PIP5K1B: variants seen among roughly 807,000 people sequenced by gnomAD.
PIP5K1B encodes phosphatidylinositol-4-phosphate 5-kinase type 1 beta.
PIP5K1B carries 42 observed loss-of-function variants against 67.0 expected under a neutral mutation model. That is an observed-to-expected ratio of 0.63 (90% CI 0.49 to 0.81). PIP5K1B has a LOEUF of 0.81. Ranked by LOEUF, PIP5K1B falls within the 30% of genes least tolerant of loss-of-function variation. The pLI is 0.00. For synonymous variants in PIP5K1B, 214 were observed against 231.4 expected (o/e 0.92, Z 0.68); for missense variants, 459 against 646.3 (o/e 0.71, Z 3.14).
intron 14 of PIP5K1B, among the ~76,000 whole-genome samples, chr9:68,944,144 T>C (rs545450297): frequency 6.6e-6 from 1 of 152,344 alleles, no homozygotes; most frequent in Admixed American, 6.5e-5. Flanking sequence ...TGTTAGAGCA[T>C]GCAGATCATA....
chr9:69,000,015 C>T (rs1329272999), intron 15 of PIP5K1B, among the ~76,000 whole-genome samples: 1 of 152,150 alleles, frequency 6.6e-6, no homozygotes, highest in Non-Finnish European at 1.5e-5. Flanking sequence ...GGCCCAGCTC[C>T]ACCACCTTTC....
intron 2 of PIP5K1B, among the ~76,000 whole-genome samples, chr9:68,804,866 T>C (rs1832785651): frequency 6.6e-6 from 1 of 152,206 alleles, no homozygotes; most frequent in African/African-American, 2.4e-5. Context: ...TTAAATGAGT[T>C]AATTCATGTA....
At chr9:68,724,738 C>T (rs1828072020) in intron 1 of PIP5K1B, among the ~76,000 whole-genome samples, 1 of 152,170 alleles carries the variant, frequency 6.6e-6, no homozygotes, top group South Asian at 2.1e-4. Context: ...TCACTGTTCA[C>T]ATATAAAAAC....
chr9:68,807,114 C>T (rs1000033901), intron 2 of PIP5K1B, among the ~76,000 whole-genome samples: 1 of 152,136 alleles, frequency 6.6e-6, no homozygotes, highest in Non-Finnish European at 1.5e-5. Flanking sequence ...GTTTTGGCTT[C>T]TCTTTTGTGT....
chr9:68,973,636 G>A (rs982816310), intron 14 of PIP5K1B, among the ~76,000 whole-genome samples: 17 of 152,118 alleles, frequency 1.1e-4, no homozygotes, highest in Admixed American at 5.9e-4. Flanking sequence ...CTTAACCAAG[G>A]GCCTAATCAT....
At chr9:68,835,297 T>C (rs1230321815) in intron 4 of PIP5K1B, among the ~76,000 whole-genome samples, 1 of 152,210 alleles carries the variant, frequency 6.6e-6, no homozygotes, top group Non-Finnish European at 1.5e-5. Flanking sequence ...TTACTCTCCG[T>C]CTTCCTTCCT....
chr9:68,778,198 G>T (rs544409184), intron 2 of PIP5K1B, among the ~76,000 whole-genome samples: 1 of 152,164 alleles, frequency 6.6e-6, no homozygotes, highest in Non-Finnish European at 1.5e-5. Flanking sequence ...TTGTTCTTCC[G>T]TGTACTGGCT....
In PIP5K1B at chr9:68,866,835, C is replaced by G. The variant is rs144103826; in HGVS notation, c.200+2868C>G. 2.1e-3 allele frequency among the ~76,000 whole-genome samples: 326 copies of G among 152,218 alleles called. 1 individual carries two copies. Among genetic ancestry groups the G allele is most frequent in the Non-Finnish European group, 4.2e-3 (288 of 68,016 alleles). On this transcript the variant is annotated intron_variant, in intron 5 of 15. Transcript: ENST00000265382. ...GGTTCATGGACCAGAAGGTGTGAAT[C>G]TACTCTGAAAGACAGGCAAGAGTCC... is the stretch of plus-strand genomic sequence containing the variant.
chr9:68,998,866 G>A (rs527930613), intron 15 of PIP5K1B, among the ~76,000 whole-genome samples: 110 of 152,308 alleles, frequency 7.2e-4, no homozygotes, highest in Admixed American at 2.1e-3. Flanking sequence ...AATGGCACGA[G>A]TAGGAGTAGG....
intron 2 of PIP5K1B, among the ~76,000 whole-genome samples, chr9:68,786,992 A>G (rs1831659814): frequency 6.6e-6 from 1 of 152,222 alleles, no homozygotes; most frequent in African/African-American, 2.4e-5. Context: ...GTCTACCTTC[A>G]TGGAAAATGA....
At chr9:68,849,043 G>A (rs187571734) in intron 4 of PIP5K1B, among the ~76,000 whole-genome samples, 89 of 152,302 alleles carry the variant, frequency 5.8e-4, no homozygotes, top group East Asian at 4.0e-3. Flanking sequence ...GATGAAATCC[G>A]TAGAAGACAT....
intron 2 of PIP5K1B, among the ~76,000 whole-genome samples, chr9:68,792,543 G>A (rs1292835231): frequency 2.6e-5 from 4 of 152,056 alleles, no homozygotes; most frequent in East Asian, 3.9e-4. Context: ...GCAGTGGCGC[G>A]ATCTCGGTTC....
At chr9:68,948,565 A>C (rs973508947) in intron 14 of PIP5K1B, among the ~76,000 whole-genome samples, 2 of 152,094 alleles carry the variant, frequency 1.3e-5, no homozygotes, top group African/African-American at 2.4e-5. Context: ...GGATTGCTTG[A>C]ATCCAGGAGT....
chr9:68,772,267 A>C (rs1156912703), intron 2 of PIP5K1B, among the ~76,000 whole-genome samples: 1 of 152,186 alleles, frequency 6.6e-6, no homozygotes. Flanking sequence ...AGCAGTAACT[A>C]CTGAGACTTC....
intron 1 of PIP5K1B, among the ~76,000 whole-genome samples, chr9:68,709,091 T>A (rs115135284): frequency 0.011 from 1,609 of 152,324 alleles, 30 homozygotes; most frequent in African/African-American, 0.036. Flanking sequence ...AGGTACAGTT[T>A]TGACTTTTAG....
chr9:68,735,316 C>CTTTTTT lies in PIP5K1B; in HGVS notation c.-242-7162_-242-7157dup, dbSNP rs558810934. ...CAGATTTGCTGTTTTCCCCTAGTGT[C>CTTTTTT]TTTTTTTTTTTTTTTTTTTTTTTTT... On this transcript the variant is annotated intron_variant, in intron 1 of 15. Transcript: ENST00000265382. Among the ~76,000 whole-genome samples the CTTTTTT allele has an allele frequency of 8.7e-4, 26 of 29,796 alleles. 2 individuals carry two copies. Among genetic ancestry groups the CTTTTTT allele is most frequent in the African/African-American group, 2.0e-3 (15 of 7,592 alleles). The allele number at this position is 29,796 out of a possible 152,430, so 19.5% of individuals were successfully genotyped here.
At chr9:69,003,891 C>G (rs915662976) in intron 15 of PIP5K1B, among the ~76,000 whole-genome samples, 1 of 152,072 alleles carries the variant, frequency 6.6e-6, no homozygotes, top group African/African-American at 2.4e-5. Context: ...ACAGTCAGCC[C>G]CCTAGAAAGG....
intron 4 of PIP5K1B, among the ~76,000 whole-genome samples, chr9:68,833,437 A>C (rs1024426758): frequency 6.6e-6 from 1 of 152,232 alleles, no homozygotes; most frequent in African/African-American, 2.4e-5. Context: ...TGAGCAGGGA[A>C]GAGTGGCCGA....
At chr9:68,952,236 C>T (rs529908814) in intron 14 of PIP5K1B, among the ~76,000 whole-genome samples, 18 of 152,296 alleles carry the variant, frequency 1.2e-4, no homozygotes, top group African/African-American at 2.2e-4. Flanking sequence ...TAATAGAACC[C>T]TAAGCTTTCC....
Sources: gnomAD v4.1 joint callset for allele counts (sites outside exome capture counted in the v4.1 genomes callset) on GRCh38, gnomAD v4.1.1 for gene constraint, MANE v1.5 for transcripts, NCBI Gene and HGNC (gene_info 2026-07-23, HGNC 2026-07-21) for gene names.